The following WHAMM variants were observed in gnomAD, a reference collection of about 807,000 sequenced individuals.
The protein encoded by WHAMM is WASP homolog associated with actin, golgi membranes and microtubules, also known as WASP homolog-associated protein with actin, membranes and microtubules.
WHAMM carries 67 observed loss-of-function variants against 76.5 expected under a neutral mutation model. That is an observed-to-expected ratio of 0.88 (90% CI 0.72 to 1.07). The LOEUF is 1.07. Ranked by LOEUF, WHAMM falls within the 50% of genes least tolerant of loss-of-function variation. The pLI, the probability that WHAMM is intolerant of heterozygous loss-of-function variation, is 0.00. For synonymous variants in WHAMM, 419 were observed against 422.1 expected (o/e 0.99, Z 0.09); for missense variants, 1,021 against 1,051.1 (o/e 0.97, Z 0.40).
In WHAMM at chr15:82,811,084, T is replaced by C. The variant is rs1040034047; in HGVS notation, c.609+749T>C. Among the ~76,000 whole-genome samples, 9 of 152,226 alleles carry C rather than the reference T, an allele frequency of 5.9e-5. No individual in the cohort carries two copies. In the South Asian group the frequency reaches 1.4e-3, roughly 25 times the overall value. On this transcript the variant is annotated intron_variant, in intron 1 of 9. Coordinates refer to ENST00000286760, the MANE Select transcript of WHAMM (RefSeq NM_001080435.3). ...TATTAACCTGAATGATTTTTTTCTG[T>C]GCATTCTTCTGAGGAAGGGGAAGTG...
At position 82,834,616 on chromosome 15, in the gene WHAMM, ATGT is replaced by A. The variant is rs2051102061; in HGVS notation, c.*1082_*1084del. On this transcript the variant is annotated 3_prime_UTR_variant, in exon 10 of 10. Transcript: ENST00000286760. The stretch of plus-strand genomic sequence containing the variant: ...CTCAGATTTGTAGGCTTGAATGTGA[ATGT>A]TATTTTATCAGTAATCAGAATAAAT... 6.6e-6 allele frequency: 1 copy of A among 152,628 alleles called. No homozygotes were observed. Among genetic ancestry groups the A allele is most frequent in the Non-Finnish European group, 1.5e-5 (1 of 68,024 alleles). The allele number at this position is 152,628 out of a possible 1,614,324, so 9.5% of individuals were successfully genotyped here.
intron 2 of WHAMM, among the ~76,000 whole-genome samples, chr15:82,816,479 G>A (rs1176062388): frequency 1.3e-5 from 2 of 150,708 alleles, no homozygotes; most frequent in Admixed American, 6.6e-5. Flanking sequence ...TTTTTTTTTC[G>A]CTTTATGCCC....
At chr15:82,828,656 T>C (rs1012252438) in intron 8 of WHAMM, among the ~76,000 whole-genome samples, 1 of 152,130 alleles carries the variant, frequency 6.6e-6, no homozygotes, top group Non-Finnish European at 1.5e-5. Flanking sequence ...GTGGGTGATA[T>C]GAAAATGGGA....
rs1202055981 is a variant in WHAMM, at chr15:82,826,788, AAG to A, written c.1585_1586del (p.Glu529MetfsTer17). On this transcript the variant is annotated frameshift_variant, in exon 8 of 10. Coordinates refer to ENST00000286760, the MANE Select transcript of WHAMM (RefSeq NM_001080435.3). LOFTEE classifies it high-confidence loss of function. ...ATAAAAGAAGAGGAGCAAAAGAAAA[AAG>A]AATGGATCAACCAAGAACGTCAAAA... The A allele has an allele frequency of 6.5e-7, 1 of 1,549,490 alleles. No homozygotes were observed. Among genetic ancestry groups the A allele is most frequent in the Non-Finnish European group, 8.7e-7 (1 of 1,146,986 alleles).
intron 1 of WHAMM, 43 bp from the exon 2 acceptor site, chr15:82,813,060 A>C: frequency 6.9e-7 from 1 of 1,440,822 alleles, no homozygotes; most frequent in South Asian, 1.6e-5. Flanking sequence ...TATGTATTAA[A>C]TATACTGTCC....
rs1239635773 is a variant in WHAMM at position 82,833,373 on chromosome 15, T to C, written c.2267T>C (p.Val756Ala). ...AGGCAAGGGGTCAAACTGAAGAAAG[T>C]TCACCCTGATCTTGGCCCAAACCCC... ...AIRQGVKLKK[V>A]HPDLGPNPSS... Residue 756 changes from valine (V) to alanine (A), a missense_variant, in exon 10 of 10, where the codon GTT becomes GCT. Around this residue, in one of 3 missense-constraint regions of WHAMM, gnomAD observed 509 missense variants for 492.3 expected, o/e 1.03. Transcript: ENST00000286760. 2 of 1,614,010 alleles carry C rather than the reference T, an allele frequency of 1.2e-6. No homozygotes were observed. Among genetic ancestry groups the C allele is most frequent in the Admixed American group, 1.7e-5 (1 of 60,028 alleles).
Position 82,810,326 on chromosome 15 carries a change from G to A in WHAMM, c.600G>A (p.Arg200=). Reference sequence around the variant, plus strand: ...CGCGGTGGGTCGAGGCGGACGCGCGGCTGCGCCAGGTAAGCGAGGCCCGGT... The same window carrying A: ...CGCGGTGGGTCGAGGCGGACGCGCGACTGCGCCAGGTAAGCGAGGCCCGGT... ...LRARWVEADA[R]LRQVIQGHGK... is the part of the protein sequence containing the mutation. Residue 200 remains arginine, a synonymous_variant, in exon 1 of 10, where the codon CGG becomes CGA. Transcript: ENST00000286760. 1 of 1,311,714 alleles carries A rather than the reference G, an allele frequency of 7.6e-7. No individual in the cohort carries two copies. Among genetic ancestry groups the A allele is most frequent in the Non-Finnish European group, 9.7e-7 (1 of 1,036,230 alleles). The allele number at this position is 1,311,714 out of a possible 1,614,324, so 81.3% of individuals were successfully genotyped here.
At chr15:82,818,270 A>G (rs2050761548) in intron 4 of WHAMM, among the ~76,000 whole-genome samples, 181 bp downstream of exon 4, 1 of 152,042 alleles carries the variant, frequency 6.6e-6, no homozygotes, top group Non-Finnish European at 1.5e-5. Flanking sequence ...AATATTTCTC[A>G]TCCCCCCTCC....
chr15:82,813,136 G>A lies in WHAMM; in HGVS notation c.643G>A (p.Val215Ile). The change falls in exon 2 of 10, where the codon GTA (valine) becomes ATA (isoleucine). Residue 215 changes from valine (V) to isoleucine (I), a missense_variant. Transcript: ENST00000286760. ...AGGACACGGAAAAGCCAACACCATGGTAGCATTAATGAACGTTTACCAAGA... is the reference window on the plus strand; with the variant it reads ...AGGACACGGAAAAGCCAACACCATGATAGCATTAATGAACGTTTACCAAGA... The part of the protein sequence containing the change: ...IQGHGKANTM[V>I]ALMNVYQEED... 1 of 1,607,758 alleles carries A rather than the reference G, an allele frequency of 6.2e-7. No individual in the cohort carries two copies.
chr15:82,826,905 C>A, intron 8 of WHAMM, 59 bp downstream of exon 8: 2 of 1,479,832 alleles, frequency 1.4e-6, no homozygotes, highest in Non-Finnish European at 1.8e-6. Context: ...GAAGACCACC[C>A]TAAAAAAGAT....
At chr15:82,811,000 T>C (rs1327427666) in intron 1 of WHAMM, among the ~76,000 whole-genome samples, 1 of 152,138 alleles carries the variant, frequency 6.6e-6, no homozygotes, top group African/African-American at 2.4e-5. Context: ...ATATGCCTTC[T>C]AAGTCCACAC....
At chr15:82,816,189 G>A (rs1379623951) in intron 2 of WHAMM, among the ~76,000 whole-genome samples, 1 of 152,136 alleles carries the variant, frequency 6.6e-6, no homozygotes, top group African/African-American at 2.4e-5. Flanking sequence ...TCACACTGGG[G>A]ATTTAGGCTT....
intron 2 of WHAMM, among the ~76,000 whole-genome samples, chr15:82,814,616 A>G (rs2050688066): frequency 6.7e-6 from 1 of 150,118 alleles, no homozygotes; most frequent in Non-Finnish European, 1.5e-5. Context: ...ACGCCCAGCT[A>G]ATTTTGTATT....
At chr15:82,824,124 T>C (rs2050886805) in intron 6 of WHAMM, among the ~76,000 whole-genome samples, 1 of 150,720 alleles carries the variant, frequency 6.6e-6, no homozygotes. Flanking sequence ...TTATACAGAC[T>C]TTTATATGTA....
chr15:82,833,818 C>T lies in WHAMM; in HGVS notation c.*282C>T, dbSNP rs2051082433. On this transcript the variant is annotated 3_prime_UTR_variant, in exon 10 of 10. Transcript: ENST00000286760. The stretch of plus-strand genomic sequence containing the variant: ...GCAGTGGTGCGATCTTGGCTCACTG[C>T]AAGCTCCGCCTCCTGGGTTCACGCC... 5.5e-6 allele frequency: 2 copies of T among 360,628 alleles called. No homozygotes were observed. The allele number at this position is 360,628 out of a possible 1,614,324, so 22.3% of individuals were successfully genotyped here. A position where few individuals can be genotyped will look rare whatever the true frequency, so the allele number is the denominator to read the frequency against.
At position 82,819,481 on chromosome 15, in the gene WHAMM, TATAAAAG is replaced by T. The variant is rs1026008255; in HGVS notation, c.1264_1270del (p.Ile422LysfsTer35). ...CACAGTTGGACTCTCTTAAAAGACT[TATAAAAG>T]GTAAAATTTAAGTATATAGATTGCA... On this transcript the variant is annotated frameshift_variant and splice_region_variant, in exon 5 of 10. Coordinates refer to ENST00000286760, the MANE Select transcript of WHAMM (RefSeq NM_001080435.3). LOFTEE classifies it high-confidence loss of function. The T allele has an allele frequency of 1.4e-5, 17 of 1,242,946 alleles. No homozygotes were observed. Among genetic ancestry groups the T allele is most frequent in the Non-Finnish European group, 6.4e-6 (6 of 933,678 alleles). 77.0% of individuals were successfully genotyped at this position (1,242,946 alleles called of 1,614,324 possible).
rs200546799 is a variant in WHAMM at position 82,833,423 on chromosome 15, C to A, written c.2317C>A (p.Arg773Ser). Reference protein sequence around the residue: ...NPSSKPTSNRRTSDLERSIKA... With the variant: ...NPSSKPTSNRSTSDLERSIKA... ...CAGCAGCAAACCAACCAGCAACAGA[C>A]GCACCAGTGACCTTGAGAGGAGCAT... The change falls in exon 10 of 10, where the codon CGC becomes AGC. Residue 773 changes from arginine to serine, a missense_variant. Around this residue, in one of 3 missense-constraint regions of WHAMM, gnomAD observed 509 missense variants for 492.3 expected, o/e 1.03. Transcript: ENST00000286760. 17 of 1,613,888 alleles carry A rather than the reference C, an allele frequency of 1.1e-5. No homozygotes were observed. The highest frequency in any genetic ancestry group is 1.2e-5 in the Non-Finnish European group (14 of 1,179,900).
chr15:82,813,118 G>C lies in WHAMM; in HGVS notation c.625G>C (p.Gly209Arg). The change falls in exon 2 of 10, where the codon GGA (glycine) becomes CGA (arginine). Residue 209 changes from glycine (G) to arginine (R), a missense_variant. Physicochemically the swap from Gly to Arg is moderately radical, Grantham distance 125. This residue lies in a region of WHAMM where 501 missense variants were observed against 524.9 expected (regional missense o/e 0.95). Transcript: ENST00000286760. ...ARLRQVIQGHGKANTMVALMN... is the reference protein window; with the variant it reads ...ARLRQVIQGHRKANTMVALMN... ...TGCTTTCTAGGTTATTCAAGGACAC[G>C]GAAAAGCCAACACCATGGTAGCATT... is the stretch of plus-strand genomic sequence containing the variant. 1 of 1,602,282 alleles carries C rather than the reference G, an allele frequency of 6.2e-7. No individual in the cohort carries two copies.
rs761363096 is a variant in WHAMM, at chr15:82,809,963, C to G, written c.237C>G (p.Ala79=). ...CCGCCGTCTCCCCGTCCAGCTGGGCCGGCCTGCTCTCGGCCGCGGGGCTCC... is the reference window on the plus strand; with the variant it reads ...CCGCCGTCTCCCCGTCCAGCTGGGCGGGCCTGCTCTCGGCCGCGGGGCTCC... ...PEAAVSPSSW[A]GLLSAAGLRG... is the part of the protein sequence containing the mutation. Residue 79 remains alanine, a synonymous_variant, in exon 1 of 10, where the codon GCC becomes GCG. Transcript: ENST00000286760. 1.2e-4 allele frequency: 163 copies of G among 1,350,384 alleles called. 1 individual carries two copies. Among genetic ancestry groups the G allele is most frequent in the Non-Finnish European group, 1.4e-4 (150 of 1,049,318 alleles). 83.7% of individuals were successfully genotyped at this position (1,350,384 alleles called of 1,614,324 possible). A position where few individuals can be genotyped will look rare whatever the true frequency, so the allele number is the denominator to read the frequency against.
Sources: allele counts gnomAD v4.1 joint callset (sites outside exome capture counted in the v4.1 genomes callset), GRCh38; gene constraint gnomAD v4.1.1; regional missense constraint gnomAD v4.1.1; transcripts MANE v1.5; gene names NCBI Gene and HGNC (gene_info 2026-07-23, HGNC 2026-07-21).